CLPTM1: variants seen among roughly 807,000 people sequenced by gnomAD.
CLPTM1 encodes putative lipid scramblase CLPTM1.
CLPTM1 carries 21 observed loss-of-function variants against 77.3 expected under a neutral mutation model. That is an observed-to-expected ratio of 0.27 (90% CI 0.19 to 0.39). The LOEUF is 0.39. CLPTM1 is among the 10% of genes least tolerant of loss of function. CLPTM1 has a pLI of 1.00. For missense variants in CLPTM1, 642 were observed against 921.2 expected (o/e 0.70, Z 3.92); for synonymous variants, 373 against 381.0 (o/e 0.98, Z 0.24).
intron 6 of CLPTM1, among the ~76,000 whole-genome samples, chr19:44,986,199 A>G (rs1240528607): frequency 1.3e-5 from 2 of 150,248 alleles, no homozygotes; most frequent in Admixed American, 6.6e-5. Flanking sequence ...AAAGAGAAAA[A>G]AGAAAGAAAG....
chr19:44,955,732 A>T (rs923897782), intron 1 of CLPTM1: 2 of 367,416 alleles, frequency 5.4e-6, no homozygotes, highest in Non-Finnish European at 4.8e-6. Context: ...AGTGGCTCGG[A>T]GGGGCGCAGG....
At chr19:44,967,862 C>T (rs1160109212) in intron 2 of CLPTM1, among the ~76,000 whole-genome samples, 2 of 152,178 alleles carry the variant, frequency 1.3e-5, no homozygotes, top group African/African-American at 4.8e-5. Context: ...GCTTCTCAGT[C>T]ATGCGCCCCT....
At chr19:44,972,635 T>C in intron 2 of CLPTM1, among the ~76,000 whole-genome samples, 1 of 151,884 alleles carries the variant, frequency 6.6e-6, no homozygotes, top group East Asian at 1.9e-4. Flanking sequence ...CTTTTAAAAA[T>C]TTTATGTTTA....
In CLPTM1 at chr19:44,990,486, C is replaced by T; in HGVS notation, c.1224C>T (p.Leu408=). 1 of 1,614,150 alleles carries T rather than the reference C, an allele frequency of 6.2e-7. No individual in the cohort carries two copies. Among genetic ancestry groups the T allele is most frequent in the Non-Finnish European group, 8.5e-7 (1 of 1,180,000 alleles). ...TTTTCCAGTCATTCGTGGTCCTCCT[C>T]TACATCCTGGACAACGAGACCAACT... The part of the protein sequence containing the change: ...FGVFQSFVVL[L]YILDNETNFV... The change falls in exon 10 of 14, where the codon CTC becomes CTT. Residue 408 remains leucine, a synonymous_variant. Transcript: ENST00000337392. This position sits in a 1 kb window ranked among gnomAD's most constrained non-coding sequence, Gnocchi z 4.8.
chr19:44,966,248 A>G (rs1240688415), intron 2 of CLPTM1, among the ~76,000 whole-genome samples: 2 of 152,004 alleles, frequency 1.3e-5, no homozygotes, highest in African/African-American at 4.8e-5. Context: ...CATCTCTACT[A>G]AAAATATAAA....
At chr19:44,982,539 T>C (rs1970915457) in intron 5 of CLPTM1, among the ~76,000 whole-genome samples, 1 of 152,212 alleles carries the variant, frequency 6.6e-6, no homozygotes, top group Non-Finnish European at 1.5e-5. Flanking sequence ...CTGGTCTGGA[T>C]GCCTCCAAGC....
intron 4 of CLPTM1, 121 bp downstream of exon 4, chr19:44,974,718 T>G (rs1031716119): frequency 1.8e-6 from 2 of 1,084,764 alleles, no homozygotes; most frequent in Admixed American, 2.7e-5. Flanking sequence ...GGCCCTTCCC[T>G]GGGCTCACAT....
chr19:44,987,894 G>T, intron 8 of CLPTM1, 186 bp from the exon 9 acceptor site: 1 of 617,920 alleles, frequency 1.6e-6, no homozygotes, highest in South Asian at 1.9e-5. Flanking sequence ...CCATCTCCCC[G>T]TCTCTTCTGT....
intron 2 of CLPTM1, among the ~76,000 whole-genome samples, chr19:44,968,559 C>T (rs1199646586): frequency 6.6e-6 from 1 of 152,192 alleles, no homozygotes; most frequent in Non-Finnish European, 1.5e-5. Context: ...TCCTGCAGGC[C>T]TGGGTGCATG....
In CLPTM1 at chr19:44,993,107, G is replaced by A. The variant is rs1324685492; in HGVS notation, c.*210G>A. ...GCGCTGTCTGTCCCTCTGTCCCTCTGTGTTTCCAGCCATCTCGCCCTGCCA... is the reference window on the plus strand; with the variant it reads ...GCGCTGTCTGTCCCTCTGTCCCTCTATGTTTCCAGCCATCTCGCCCTGCCA... On this transcript the variant is annotated 3_prime_UTR_variant, in exon 14 of 14. Coordinates refer to ENST00000337392, the MANE Select transcript of CLPTM1 (RefSeq NM_001294.4). 2 of 624,576 alleles carry A rather than the reference G, an allele frequency of 3.2e-6. No homozygotes were observed. The highest frequency in any genetic ancestry group is 2.0e-5 in the Admixed American group (1 of 49,888). 38.7% of individuals were successfully genotyped at this position (624,576 alleles called of 1,614,324 possible). A position where few individuals can be genotyped will look rare whatever the true frequency, so the allele number is the denominator to read the frequency against.
In CLPTM1 at chr19:44,992,693, A is replaced by G. The variant is rs1375716386; in HGVS notation, c.1806A>G (p.Gly602=). 2 of 1,613,736 alleles carry G rather than the reference A, an allele frequency of 1.2e-6. No homozygotes were observed. The highest frequency in any genetic ancestry group is 1.7e-6 in the Non-Finnish European group (2 of 1,179,856). Residue 602 remains glycine, a synonymous_variant, in exon 14 of 14, where the codon GGA becomes GGG. Coordinates refer to ENST00000337392, the MANE Select transcript of CLPTM1 (RefSeq NM_001294.4). This position sits in a 1 kb window ranked among gnomAD's most constrained non-coding sequence, Gnocchi z 7.7. Reference sequence around the variant, plus strand: ...GAGTCAACGAGTTTGGCATGAGTGGAGAAGACCCCACAGCTGCCGCCCCCG... The same window carrying G: ...GAGTCAACGAGTTTGGCATGAGTGGGGAAGACCCCACAGCTGCCGCCCCCG... ...PTRVNEFGMS[G]EDPTAAAPVA... is the part of the protein sequence containing the mutation.
chr19:44,955,064 A>G (rs1266274181), upstream of CLPTM1: 1 of 1,535,764 alleles, frequency 6.5e-7, no homozygotes, highest in African/African-American at 1.4e-5. Context: ...GGATGTCCCG[A>G]AAGGCTCATA....
Position 44,990,199 on chromosome 19 carries a change from G to A in CLPTM1, c.1133-196G>A, listed in dbSNP as rs971420983. ...CCTATGGGAGGGCTCCAGGGGTGCCGCCTGTCTGGTGCTCTGGGGGTCACC... is the reference window on the plus strand; with the variant it reads ...CCTATGGGAGGGCTCCAGGGGTGCCACCTGTCTGGTGCTCTGGGGGTCACC... On this transcript the variant is annotated intron_variant, in intron 9 of 13. Transcript: ENST00000337392. The surrounding 1 kb of genome is among the most constrained non-coding windows in gnomAD (Gnocchi z 4.8). 4.7e-5 allele frequency: 28 copies of A among 594,752 alleles called. No homozygotes were observed. Among genetic ancestry groups the A allele is most frequent in the African/African-American group, 7.4e-5 (4 of 53,742 alleles). 36.8% of individuals were successfully genotyped at this position (594,752 alleles called of 1,614,324 possible).
At chr19:44,958,526 C>A (rs149532596) in intron 1 of CLPTM1, among the ~76,000 whole-genome samples, 1 of 152,134 alleles carries the variant, frequency 6.6e-6, no homozygotes, top group Non-Finnish European at 1.5e-5. Flanking sequence ...CACCTGCCAC[C>A]ACACCCAGCT....
At chr19:44,963,944 T>G (rs1232385593) in intron 2 of CLPTM1, among the ~76,000 whole-genome samples, 1 of 151,726 alleles carries the variant, frequency 6.6e-6, no homozygotes, top group African/African-American at 2.4e-5. Flanking sequence ...TTTTTTTTTT[T>G]TTTATTAGAG....
Position 44,992,613 on chromosome 19 carries a change from G to T in CLPTM1, c.1726G>T (p.Val576Leu). 6.2e-7 allele frequency: 1 copy of T among 1,613,750 alleles called. No homozygotes were observed. Among genetic ancestry groups the T allele is most frequent in the Non-Finnish European group, 8.5e-7 (1 of 1,179,920 alleles). ...CACTGCCTCCCACCCCTCTCCAGAT[G>T]TGGTTTTCTTCATCTACCTCTACCA... ...MYRIGCLRDD[V>L]VFFIYLYQRW... The change falls in exon 14 of 14, where the codon GTG (valine) becomes TTG (leucine). Residue 576 changes from valine (V) to leucine (L), a missense_variant and splice_region_variant. This residue lies in a region of CLPTM1 where 521 missense variants were observed against 800.4 expected (regional missense o/e 0.65). Transcript: ENST00000337392. This position sits in a 1 kb window ranked among gnomAD's most constrained non-coding sequence, Gnocchi z 7.7.
rs200605246 is a variant in CLPTM1, at chr19:44,988,163, C to A, written c.1122C>A (p.Ala374=). The part of the protein sequence containing the change: ...SIVHSVFEFL[A]FKNDIQFWNS... ...TTCACAGTGTCTTCGAGTTCCTGGC[C>A]TTCAAGAATGGTAGGAACAGGACCC... The change falls in exon 9 of 14, where the codon GCC becomes GCA. Residue 374 remains alanine, a synonymous_variant. Transcript: ENST00000337392. 1.3e-5 allele frequency: 21 copies of A among 1,612,536 alleles called. No homozygotes were observed. In the East Asian group the frequency reaches 2.5e-4, roughly 19 times the overall value.
At position 44,970,782 on chromosome 19, in the gene CLPTM1, C is replaced by CT. The variant is rs765671228; in HGVS notation, c.186-2292dup. ...AGCTTATAGGGCTCCTTTACTTATT[C>CT]TTTTTTTTTTTTTCCCCTAGACCTG... On this transcript the variant is annotated intron_variant, in intron 2 of 13. Transcript: ENST00000337392. Among the ~76,000 whole-genome samples the CT allele has an allele frequency of 1.8e-3, 234 of 132,160 alleles. 13 individuals carry two copies. Among genetic ancestry groups the CT allele is most frequent in the African/African-American group, 4.5e-3 (149 of 32,880 alleles). The allele number at this position is 132,160 out of a possible 152,430, so 86.7% of individuals were successfully genotyped here.
intron 8 of CLPTM1, 96 bp from the exon 9 acceptor site, chr19:44,987,984 C>A: frequency 1.1e-6 from 1 of 888,734 alleles, no homozygotes; most frequent in South Asian, 1.4e-5. Context: ...CCTTCAGCCT[C>A]CCTCTACAGG....
Sources: gnomAD v4.1 joint callset for allele counts (sites outside exome capture counted in the v4.1 genomes callset) on GRCh38, gnomAD v4.1.1 for gene constraint, gnomAD v4.1.1 regional missense constraint, Gnocchi (gnomAD v3.1) non-coding constraint, MANE v1.5 for transcripts, NCBI Gene and HGNC (gene_info 2026-07-23, HGNC 2026-07-21) for gene names.